Variants in THADA observed in about 807,000 individuals in gnomAD.
The protein encoded by THADA is tRNA (32-2'-O)-methyltransferase regulator THADA.
Under a neutral mutation model 219.8 loss-of-function variants are expected in THADA, and 213 were observed. The ratio of observed to expected loss-of-function variants is 0.97; its 90% CI spans 0.87 to 1.09. The LOEUF (loss-of-function observed/expected upper bound fraction) is 1.09. THADA is among the 50% of genes least tolerant of loss of function. THADA has a pLI of 0.00. For missense variants in THADA, 2,956 were observed against 2,311.3 expected (o/e 1.28, Z -5.72); for synonymous variants, 1,018 against 828.9 (o/e 1.23, Z -3.92).
At chr2:43,548,567 C>A (rs1043311883) in intron 20 of THADA, among the ~76,000 whole-genome samples, 3 of 152,192 alleles carry the variant, frequency 2.0e-5, no homozygotes, top group Admixed American at 1.3e-4. Context: ...CAAGCCTGGG[C>A]AACGGTGGGC....
chr2:43,339,104 A>G (rs1028761556), intron 30 of THADA, among the ~76,000 whole-genome samples: 12 of 152,216 alleles, frequency 7.9e-5, no homozygotes, highest in African/African-American at 2.7e-4. Context: ...CTTAACCAAT[A>G]ATAGTGATTT....
chr2:43,259,469 C>A (rs1226700477), intron 36 of THADA, among the ~76,000 whole-genome samples: 6 of 152,236 alleles, frequency 3.9e-5, no homozygotes, highest in Admixed American at 1.3e-4. Context: ...ATGCTCCTTG[C>A]CAGGCCCCTG....
intron 14 of THADA, 145 bp from the exon 15 acceptor site, chr2:43,566,966 T>A (rs1698764338): frequency 1.7e-6 from 1 of 590,712 alleles, no homozygotes; most frequent in African/African-American, 2.0e-5. Flanking sequence ...TTGTTCACTT[T>A]GCTTAATAAT....
chr2:43,570,606 G>A, intron 13 of THADA, 96 bp from the exon 14 acceptor site: 3 of 1,269,774 alleles, frequency 2.4e-6, no homozygotes, highest in Non-Finnish European at 1.1e-6. Flanking sequence ...CTTCAGGCAA[G>A]AAGAGTACAG....
intron 29 of THADA, among the ~76,000 whole-genome samples, chr2:43,385,186 A>G (rs547787637): frequency 1.0e-3 from 159 of 152,284 alleles, no homozygotes; most frequent in African/African-American, 3.7e-3. Context: ...AAAAAACAAA[A>G]AACAATTTGG....
At chr2:43,547,146 G>C (rs1191911886) in intron 20 of THADA, among the ~76,000 whole-genome samples, 1 of 152,044 alleles carries the variant, frequency 6.6e-6, no homozygotes, top group African/African-American at 2.4e-5. Context: ...AGTTTGGCTG[G>C]ATATGAAATT....
At chr2:43,415,545 C>T (rs1165662612) in intron 28 of THADA, among the ~76,000 whole-genome samples, 1 of 152,124 alleles carries the variant, frequency 6.6e-6, no homozygotes, top group Non-Finnish European at 1.5e-5. Context: ...TGGAAGAACT[C>T]AGGAAAAAAC....
intron 31 of THADA, among the ~76,000 whole-genome samples, chr2:43,307,542 G>C (rs547359988): frequency 6.6e-6 from 1 of 152,326 alleles, no homozygotes; most frequent in African/African-American, 2.4e-5. Flanking sequence ...CTCTCACCCA[G>C]AGTAGAGACC....
At chr2:43,250,610 A>G (rs1669715969) in intron 36 of THADA, among the ~76,000 whole-genome samples, 1 of 152,180 alleles carries the variant, frequency 6.6e-6, no homozygotes, top group South Asian at 2.1e-4. Context: ...CACACCCGTA[A>G]TCCCAAAACT....
chr2:43,440,348 G>A (rs1296612386), intron 26 of THADA, among the ~76,000 whole-genome samples: 1 of 151,890 alleles, frequency 6.6e-6, no homozygotes, highest in African/African-American at 2.4e-5. Context: ...CTAATGACAA[G>A]CCTTTTGGTT....
intron 36 of THADA, among the ~76,000 whole-genome samples, chr2:43,264,521 G>C (rs1225066143): frequency 6.6e-6 from 1 of 152,094 alleles, no homozygotes. Flanking sequence ...CTGACCTCAG[G>C]TGATCCGCCC....
At chr2:43,452,708 CA>C (rs1573721734) in intron 26 of THADA, among the ~76,000 whole-genome samples, 1 of 152,346 alleles carries the variant, frequency 6.6e-6, no homozygotes, top group East Asian at 1.9e-4. Flanking sequence ...CACACTGAGT[CA>C]GGCCCACCCA....
chr2:43,582,496 T>TAAA (rs564311180), intron 7 of THADA, among the ~76,000 whole-genome samples: 1,709 of 128,166 alleles, frequency 0.013, 39 homozygotes, highest in South Asian at 0.11. Flanking sequence ...GACACCATCT[T>TAAA]AAAAAAAAAA....
intron 1 of THADA, among the ~76,000 whole-genome samples, chr2:43,593,278 G>A (rs1030607096): frequency 1.3e-5 from 2 of 152,078 alleles, no homozygotes; most frequent in Admixed American, 6.6e-5. Context: ...TAGTTTAGGG[G>A]AAAAAAACAC....
intron 13 of THADA, 118 bp downstream of exon 13, chr2:43,571,589 A>G: frequency 1.1e-6 from 1 of 929,910 alleles, no homozygotes; most frequent in Non-Finnish European, 1.6e-6. Context: ...TCATGAACAG[A>G]TGTGGTAGCC....
chr2:43,263,584 G>C lies in THADA; in HGVS notation c.5296+16181C>G, dbSNP rs757557722. ...TAAGGATGAGAAGCAGAAACACCAAGCCAGGTCCTCAAGTGACAGTCTGTT... is the reference window on the plus strand; with the variant it reads ...TAAGGATGAGAAGCAGAAACACCAACCCAGGTCCTCAAGTGACAGTCTGTT... On this transcript the variant is annotated intron_variant, in intron 36 of 37. Coordinates refer to ENST00000405975, the MANE Select transcript of THADA (RefSeq NM_022065.5). 3.3e-5 allele frequency among the ~76,000 whole-genome samples: 5 copies of C among 152,122 alleles called. No individual in the cohort carries two copies. In the East Asian group the frequency reaches 9.6e-4, roughly 29 times the overall value.
In THADA at chr2:43,446,682, GTTGT is replaced by G. The variant is rs146459989; in HGVS notation, c.3837-16384_3837-16381del. On this transcript the variant is annotated intron_variant, in intron 26 of 37. Coordinates refer to ENST00000405975, the MANE Select transcript of THADA (RefSeq NM_022065.5). Reference sequence around the variant, plus strand: ...AATTGTTAAGTCATTAAATTTTGGGGTTGTTTGTCATGCAGCAATACGTAATTGA... The same window carrying G: ...AATTGTTAAGTCATTAAATTTTGGGGTTGTCATGCAGCAATACGTAATTGA... 6.0e-4 allele frequency among the ~76,000 whole-genome samples: 91 copies of G among 152,314 alleles called. 3 individuals carry two copies. The highest frequency in any genetic ancestry group is 1.9e-4 in the East Asian group (1 of 5,188).
At chr2:43,581,474 G>A (rs764273860) in intron 8 of THADA, among the ~76,000 whole-genome samples, 9 of 149,658 alleles carry the variant, frequency 6.0e-5, no homozygotes, top group Non-Finnish European at 1.2e-4. Flanking sequence ...AACCCAACAT[G>A]CAGAGGTTGC....
intron 28 of THADA, among the ~76,000 whole-genome samples, chr2:43,417,540 C>T (rs936861690): frequency 3.3e-5 from 5 of 152,172 alleles, no homozygotes; most frequent in African/African-American, 1.2e-4. Context: ...CTCCTGATTT[C>T]AGATTAGAAA....
Sources: allele counts gnomAD v4.1 joint callset (sites outside exome capture counted in the v4.1 genomes callset), GRCh38; gene constraint gnomAD v4.1.1; transcripts MANE v1.5; gene names NCBI Gene and HGNC (gene_info 2026-07-23, HGNC 2026-07-21).